SYT1: variants seen among roughly 807,000 people sequenced by gnomAD.
The protein encoded by SYT1 is synaptotagmin-1.
In SYT1, 8 loss-of-function variants were observed where a neutral mutation model predicts 44.8. That is an observed-to-expected ratio of 0.18 (90% confidence interval 0.10 to 0.32). The LOEUF (loss-of-function observed/expected upper bound fraction) is 0.32. Among genes scored for constraint, SYT1 ranks in the 10% least tolerant of loss-of-function variants. The pLI is 1.00. For synonymous variants in SYT1, 154 were observed against 188.8 expected (o/e 0.82, Z 1.51); for missense variants, 286 against 509.3 (o/e 0.56, Z 4.22).
chr12:79,216,947 T>C (rs1490966841), intron 3 of SYT1, among the ~76,000 whole-genome samples: 1 of 152,150 alleles, frequency 6.6e-6, no homozygotes, highest in South Asian at 2.1e-4. Flanking sequence ...TTACCATCAA[T>C]AAATAAGATT....
intron 3 of SYT1, among the ~76,000 whole-genome samples, chr12:79,152,382 G>T (rs1438819124): frequency 6.6e-6 from 1 of 152,068 alleles, no homozygotes; most frequent in Non-Finnish European, 1.5e-5. Flanking sequence ...TCTTCTATTG[G>T]CATGGAAGGG....
At chr12:79,419,174 T>C in intron 9 of SYT1, 1 of 452,258 alleles carries the variant, frequency 2.2e-6, no homozygotes, top group Non-Finnish European at 4.5e-6. Context: ...CTAATGATTC[T>C]ATAAGAATTT....
intron 3 of SYT1, among the ~76,000 whole-genome samples, chr12:79,182,313 A>AT (rs996937574): frequency 1.3e-5 from 2 of 151,784 alleles, no homozygotes; most frequent in Admixed American, 6.6e-5. Flanking sequence ...CCTTTCTGTG[A>AT]TTTTTTGGGA....
At chr12:79,086,709 G>A (rs1877405834) in intron 3 of SYT1, among the ~76,000 whole-genome samples, 1 of 152,132 alleles carries the variant, frequency 6.6e-6, no homozygotes. Flanking sequence ...TCACTGCCGG[G>A]GTTGTCAAAT....
chr12:79,297,518 T>C (rs1879932607), intron 7 of SYT1, among the ~76,000 whole-genome samples: 1 of 152,108 alleles, frequency 6.6e-6, no homozygotes, highest in African/African-American at 2.4e-5. Context: ...TTGTTTTGTA[T>C]TGCATTACCT....
At chr12:79,288,837 T>C (rs542545398) in intron 5 of SYT1, among the ~76,000 whole-genome samples, 30 of 152,262 alleles carry the variant, frequency 2.0e-4, no homozygotes, top group Admixed American at 1.2e-3. Flanking sequence ...GACTGTCCCT[T>C]GCGGTAGGTT....
intron 1 of SYT1, among the ~76,000 whole-genome samples, chr12:78,871,714 C>A (rs2137036025): frequency 6.6e-6 from 1 of 151,986 alleles, no homozygotes; most frequent in East Asian, 1.9e-4. Flanking sequence ...GACAAGGAAG[C>A]AAAGCATTGA....
At chr12:79,217,082 C>G (rs1242504980) in intron 3 of SYT1, among the ~76,000 whole-genome samples, 1 of 152,004 alleles carries the variant, frequency 6.6e-6, no homozygotes, top group Non-Finnish European at 1.5e-5. Flanking sequence ...TCAACATTTC[C>G]AATACAAATA....
chr12:79,187,835 C>G (rs938252267), intron 3 of SYT1, among the ~76,000 whole-genome samples: 2 of 152,108 alleles, frequency 1.3e-5, no homozygotes, highest in Admixed American at 1.3e-4. Flanking sequence ...TTTTGATTCT[C>G]TCAAGACAGC....
At chr12:79,405,998 C>T (rs938895133) in intron 9 of SYT1, among the ~76,000 whole-genome samples, 12 of 152,176 alleles carry the variant, frequency 7.9e-5, no homozygotes, top group East Asian at 3.9e-4. Context: ...ACAAGATCAT[C>T]ATGGCTGGCT....
chr12:78,939,587 C>G (rs2137243804), intron 1 of SYT1, among the ~76,000 whole-genome samples: 1 of 152,196 alleles, frequency 6.6e-6, no homozygotes, highest in African/African-American at 2.4e-5. Context: ...TAATCCAGTC[C>G]CTTGTCTCCA....
intron 9 of SYT1, among the ~76,000 whole-genome samples, chr12:79,354,276 T>G (rs990989385): frequency 3.3e-5 from 5 of 152,214 alleles, no homozygotes; most frequent in Admixed American, 2.6e-4. Flanking sequence ...TTGAACATAA[T>G]TTTTCTTCTT....
chr12:78,994,661 G>A (rs1325542511), intron 2 of SYT1, among the ~76,000 whole-genome samples: 1 of 150,684 alleles, frequency 6.6e-6, no homozygotes, highest in Non-Finnish European at 1.5e-5. Context: ...TCAGCCTCCT[G>A]AGGAGCTGGG....
At chr12:79,165,665 A>C (rs796554641) in intron 3 of SYT1, among the ~76,000 whole-genome samples, 8 of 152,020 alleles carry the variant, frequency 5.3e-5, no homozygotes, top group African/African-American at 1.9e-4. Flanking sequence ...TGAAGACCTG[A>C]CTCCCATTGC....
intron 8 of SYT1, among the ~76,000 whole-genome samples, chr12:79,328,392 T>C (rs991021619): frequency 3.3e-5 from 5 of 152,232 alleles, no homozygotes; most frequent in African/African-American, 4.8e-5. Flanking sequence ...AGTTCATTTC[T>C]ATTTAAGATG....
chr12:79,292,538 A>C (rs1463177643), intron 6 of SYT1, among the ~76,000 whole-genome samples: 1 of 152,214 alleles, frequency 6.6e-6, no homozygotes, highest in Non-Finnish European at 1.5e-5. Context: ...TATTCTAGCC[A>C]AATTTTTGAA....
chr12:78,872,111 C>A (rs1024716348), intron 1 of SYT1, among the ~76,000 whole-genome samples: 5 of 151,912 alleles, frequency 3.3e-5, no homozygotes, highest in African/African-American at 1.2e-4. Context: ...AAAAGCCAAG[C>A]ATTCACCTTG....
chr12:79,338,979 C>A (rs973603184), intron 8 of SYT1, among the ~76,000 whole-genome samples: 86 of 152,232 alleles, frequency 5.6e-4, no homozygotes, highest in Non-Finnish European at 2.1e-4. Flanking sequence ...TCATCCATGT[C>A]ACTACAAACA....
intron 3 of SYT1, among the ~76,000 whole-genome samples, chr12:79,066,314 G>T (rs1036728670): frequency 1.5e-4 from 23 of 152,058 alleles, no homozygotes; most frequent in African/African-American, 4.8e-4. Flanking sequence ...CCTTGTGGGG[G>T]CTCACAGCTG....
Sources: allele counts gnomAD v4.1 joint callset (sites outside exome capture counted in the v4.1 genomes callset), GRCh38; gene constraint gnomAD v4.1.1; transcripts MANE v1.5; gene names NCBI Gene and HGNC (gene_info 2026-07-23, HGNC 2026-07-21).